The following PCDHA9 variants were observed in gnomAD, a reference collection of about 807,000 sequenced individuals.
The protein encoded by PCDHA9 is protocadherin alpha-9.
PCDHA9 carries 62 observed loss-of-function variants against 62.0 expected under a neutral mutation model. That is an observed-to-expected ratio of 1.00 (90% CI 0.81 to 1.23). The LOEUF is 1.23. PCDHA9 is among the 50% of genes most tolerant of loss of function. The pLI is 0.00. For missense variants in PCDHA9, 1,205 were observed against 1,249.8 expected (o/e 0.96, Z 0.54); for synonymous variants, 557 against 567.6 (o/e 0.98, Z 0.27).
intron 1 of PCDHA9, chr5:140,927,167 C>A (rs782612848): frequency 6.2e-7 from 1 of 1,614,164 alleles, no homozygotes; most frequent in Admixed American, 1.7e-5. Context: ...GCCAAAGCTG[C>A]CTGCGTCTTG....
intron 3 of PCDHA9, among the ~76,000 whole-genome samples, chr5:140,993,020 C>G (rs2097537480): frequency 6.6e-6 from 1 of 152,192 alleles, no homozygotes; most frequent in African/African-American, 2.4e-5. Flanking sequence ...TCCAGCATCC[C>G]CTGTGGGCTC....
chr5:140,953,099 G>A lies in PCDHA9; in HGVS notation c.2395-25850G>A, dbSNP rs1554220803. On this transcript the variant is annotated intron_variant, in intron 1 of 3. Transcript: ENST00000532602. ...CATTGGGGATTACAATTTGACATGA[G>A]ATTTGGGCAGGGACACAGATCTAAA... Among the ~76,000 whole-genome samples, 7 of 152,256 alleles carry A rather than the reference G, an allele frequency of 4.6e-5. 1 individual carries two copies. Among genetic ancestry groups the A allele is most frequent in the South Asian group, 2.1e-4 (1 of 4,828 alleles).
chr5:140,870,766 C>T, intron 1 of PCDHA9: 1 of 1,613,562 alleles, frequency 6.2e-7, no homozygotes, highest in Non-Finnish European at 8.5e-7. Context: ...GGTGTTCGTG[C>T]TGGACGAGAA....
chr5:140,997,672 GTGT>G (rs1226412114), intron 3 of PCDHA9, among the ~76,000 whole-genome samples: 3 of 148,192 alleles, frequency 2.0e-5, no homozygotes, highest in African/African-American at 7.5e-5. Context: ...TACAGCTTGT[GTGT>G]GTGTGTGTGT....
chr5:140,870,195 C>T, intron 1 of PCDHA9: 1 of 1,614,178 alleles, frequency 6.2e-7, no homozygotes, highest in Non-Finnish European at 8.5e-7. Flanking sequence ...ACGCTCAGCC[C>T]AGCACGGTCA....
rs543899552 is a variant in PCDHA9 at position 140,891,287 on chromosome 5, A to T, written c.2394+40398A>T. ...AATTTTTCCGTAAGTTATTGGGGGT[A>T]CAGGTGGTATTTGATTACATGAGTA... is the stretch of plus-strand genomic sequence containing the variant. On this transcript the variant is annotated intron_variant, in intron 1 of 3. Transcript: ENST00000532602. 3.9e-5 allele frequency among the ~76,000 whole-genome samples: 6 copies of T among 152,176 alleles called. No individual in the cohort carries two copies. In the South Asian group the frequency reaches 6.2e-4, roughly 16 times the overall value.
intron 1 of PCDHA9, chr5:140,883,347 G>A (rs782384832): frequency 3.7e-6 from 6 of 1,614,046 alleles, no homozygotes; most frequent in African/African-American, 1.3e-5. Flanking sequence ...CTCCCCATCA[G>A]AGAAGACACT....
At chr5:141,000,361 GTC>G (rs148596731) in intron 3 of PCDHA9, among the ~76,000 whole-genome samples, 577 of 26,370 alleles carry the variant, frequency 0.022, 17 homozygotes, top group Admixed American at 0.027. Context: ...GTCTCTCTCT[GTC>G]TCTCTCTCTC....
At chr5:141,000,944 T>C (rs2097977292) in intron 3 of PCDHA9, among the ~76,000 whole-genome samples, 1 of 152,196 alleles carries the variant, frequency 6.6e-6, no homozygotes, top group Non-Finnish European at 1.5e-5. Flanking sequence ...GGACAAATTA[T>C]CTTGCTGTAA....
At chr5:140,955,407 C>T (rs1453424058) in intron 1 of PCDHA9, among the ~76,000 whole-genome samples, 1 of 152,098 alleles carries the variant, frequency 6.6e-6, no homozygotes, top group African/African-American at 2.4e-5. Flanking sequence ...ATACAGTTCT[C>T]ATGATAGTGA....
In PCDHA9 at chr5:140,849,079, T is replaced by C. The variant is rs1554142746; in HGVS notation, c.584T>C (p.Val195Ala). The C allele has an allele frequency of 6.6e-7, 1 of 1,521,712 alleles. No individual in the cohort carries two copies. Among genetic ancestry groups the C allele is most frequent in the African/African-American group, 1.5e-5 (1 of 64,956 alleles). 94.3% of individuals were successfully genotyped at this position (1,521,712 alleles called of 1,614,324 possible). The change falls in exon 1 of 4, where the codon GTA (valine) becomes GCA (alanine). Residue 195 changes from valine (V) to alanine (A), a missense_variant. By Grantham distance (64) the Val-to-Ala change is moderately conservative. Coordinates refer to ENST00000532602, the MANE Select transcript of PCDHA9 (RefSeq NM_031857.2). ...CAGCAGGTAAAACCTCTTGGACTTG[T>C]ATTACGGAAACTTTTAGACAGAGAA... ...SNQQVKPLGL[V>A]LRKLLDREET...
At chr5:140,928,204 G>A (rs1554205615) in intron 1 of PCDHA9, 4 of 1,614,236 alleles carry the variant, frequency 2.5e-6, no homozygotes, top group Middle Eastern at 1.6e-4. Flanking sequence ...AGTTGCTGAT[G>A]TGAATGACAA....
At chr5:140,873,414 G>T (rs184525297) in intron 1 of PCDHA9, among the ~76,000 whole-genome samples, 57 of 152,118 alleles carry the variant, frequency 3.7e-4, no homozygotes, top group African/African-American at 1.2e-3. Flanking sequence ...TTAAAATTTT[G>T]TAAATTATTA....
chr5:141,007,394 A>G (rs2098323051), intron 3 of PCDHA9, among the ~76,000 whole-genome samples: 16 of 86,170 alleles, frequency 1.9e-4, no homozygotes, highest in Non-Finnish European at 3.5e-4. Context: ...CTACTAAAAT[A>G]CAAAAAAAAA....
chr5:140,927,499 C>G (rs781977423), intron 1 of PCDHA9: 1 of 1,614,136 alleles, frequency 6.2e-7, no homozygotes, highest in Admixed American at 1.7e-5. Context: ...CCTGCTGGTG[C>G]TTACAGCTCG....
intron 1 of PCDHA9, chr5:140,867,294 T>A (rs987236296): frequency 6.6e-6 from 1 of 152,152 alleles, no homozygotes; most frequent in Admixed American, 6.5e-5. Flanking sequence ...TCAAATATCA[T>A]GTTGAATATA....
At chr5:140,878,371 G>A (rs543191231) in intron 1 of PCDHA9, among the ~76,000 whole-genome samples, 53 of 152,276 alleles carry the variant, frequency 3.5e-4, no homozygotes, top group Non-Finnish European at 6.5e-4. Flanking sequence ...TCTGACATAT[G>A]ATGAATGATT....
chr5:140,994,428 C>T lies in PCDHA9; in HGVS notation c.2542+11865C>T, dbSNP rs183026150. Among the ~76,000 whole-genome samples, 15 of 152,198 alleles carry T rather than the reference C, an allele frequency of 9.9e-5. No individual in the cohort carries two copies. The South Asian group carries it at 1.2e-3, about 13-fold the overall frequency. On this transcript the variant is annotated intron_variant, in intron 3 of 3. Transcript: ENST00000532602. ...TTTAATACTGGATATTGAGGCCGGGCGCAGTGGCTCACACCTGTGATCCCA... is the reference window on the plus strand; with the variant it reads ...TTTAATACTGGATATTGAGGCCGGGTGCAGTGGCTCACACCTGTGATCCCA...
intron 1 of PCDHA9, among the ~76,000 whole-genome samples, chr5:140,925,561 G>A (rs972926230): frequency 6.6e-6 from 1 of 151,674 alleles, no homozygotes; most frequent in African/African-American, 2.4e-5. Flanking sequence ...ACAAGTTAAT[G>A]GGTGCAGCAC....
Sources: gnomAD v4.1 joint callset for allele counts (sites outside exome capture counted in the v4.1 genomes callset) on GRCh38, gnomAD v4.1.1 for gene constraint, MANE v1.5 for transcripts, NCBI Gene and HGNC (gene_info 2026-07-23, HGNC 2026-07-21) for gene names.